NAV1: variants seen among roughly 807,000 people sequenced by gnomAD.
NAV1 encodes the protein pore membrane and/or filament interacting like protein 3.
A neutral mutation model predicts 175.2 loss-of-function variants in NAV1; 18 were observed. The observed-to-expected ratio is 0.10, with a 90% CI of 0.07 to 0.15. The LOEUF (loss-of-function observed/expected upper bound fraction) is 0.15. NAV1 is among the 10% of genes least tolerant of loss of function. The pLI is 1.00. For synonymous variants in NAV1, 897 were observed against 978.7 expected (o/e 0.92, Z 1.56); for missense variants, 1,731 against 2,436.6 (o/e 0.71, Z 6.10).
intron 3 of NAV1, among the ~76,000 whole-genome samples, chr1:201,751,557 A>G (rs971398189): frequency 3.3e-5 from 5 of 152,222 alleles, no homozygotes; most frequent in Admixed American, 3.3e-4. Flanking sequence ...TGGCAATCCA[A>G]TCTCATGGGG....
chr1:201,559,125 A>G (rs1045920963), intron 1 of NAV1, among the ~76,000 whole-genome samples: 3 of 152,126 alleles, frequency 2.0e-5, no homozygotes, highest in Non-Finnish European at 4.4e-5. Context: ...CGCGTATAAC[A>G]CCTTTAGCAT....
Position 201,810,393 on chromosome 1 carries a change from T to C in NAV1, c.4562-130T>C, listed in dbSNP as rs770937700. ...AAAACTAGGGGTTAAGGGACTCTTA[T>C]GGAACCATGGGGCAAGTGGCTCTGA... is the stretch of plus-strand genomic sequence containing the variant. On this transcript the variant is annotated intron_variant, in intron 23 of 29. Transcript: ENST00000367296. The surrounding 1 kb of genome is among the most constrained non-coding windows in gnomAD (Gnocchi z 6.0). The C allele has an allele frequency of 1.4e-5, 13 of 914,148 alleles. No homozygotes were observed. The highest frequency in any genetic ancestry group is 2.0e-5 in the Non-Finnish European group (12 of 608,654). The allele number at this position is 914,148 out of a possible 1,614,324, so 56.6% of individuals were successfully genotyped here. A position where few individuals can be genotyped will look rare whatever the true frequency, so the allele number is the denominator to read the frequency against.
At chr1:201,798,013 G>C (rs897259169) in intron 15 of NAV1, 2 of 152,124 alleles carry the variant, frequency 1.3e-5, no homozygotes, top group South Asian at 4.1e-4. Flanking sequence ...CAAAATTAAA[G>C]TCATCCCCTT....
intron 1 of NAV1, among the ~76,000 whole-genome samples, chr1:201,658,604 A>G (rs1311773025): frequency 6.6e-6 from 1 of 152,178 alleles, no homozygotes; most frequent in African/African-American, 2.4e-5. Flanking sequence ...GGGTGGGATC[A>G]TGGCTGATCC....
Position 201,685,197 on chromosome 1 carries a change from G to A in NAV1, c.758-27620G>A, listed in dbSNP as rs148546643. Among the ~76,000 whole-genome samples the A allele has an allele frequency of 2.1e-3, 311 of 151,338 alleles. 8 individuals carry two copies. The East Asian group carries it at 0.045, about 22-fold the overall frequency. On this transcript the variant is annotated intron_variant, in intron 1 of 29. Coordinates refer to ENST00000367296, the Ensembl canonical transcript of NAV1. ...AGAGGTTTCAGTGAGCGGTGATCAC[G>A]CCACTGCACCTCCAGCCTGGGCAAC...
intron 2 of NAV1, among the ~76,000 whole-genome samples, chr1:201,715,762 T>C (rs1672115695): frequency 6.6e-6 from 1 of 152,206 alleles, no homozygotes; most frequent in East Asian, 1.9e-4. Context: ...ACTCCCAGGA[T>C]AACTGGATTC....
chr1:201,595,630 A>C (rs1200764695), intron 2 of NAV1, among the ~76,000 whole-genome samples: 3 of 152,254 alleles, frequency 2.0e-5, no homozygotes, highest in Non-Finnish European at 4.4e-5. Context: ...AGGCAGGCAC[A>C]GCAGTGTGCA....
At chr1:201,809,835 G>A in intron 22 of NAV1, 111 bp from the exon 27 acceptor site, 1 of 1,073,338 alleles carries the variant, frequency 9.3e-7, no homozygotes, top group Non-Finnish European at 1.3e-6. Flanking sequence ...AAAAGCATAT[G>A]CTCTGCACTT....
intron 2 of NAV1, among the ~76,000 whole-genome samples, chr1:201,631,091 A>G (rs1402942594): frequency 1.3e-5 from 2 of 152,138 alleles, no homozygotes; most frequent in African/African-American, 4.8e-5. Flanking sequence ...GTGCCGGGGA[A>G]CATTTGGAGG....
rs976131186 is a variant in NAV1 at position 201,808,818 on chromosome 1, G to A, written c.4154G>A (p.Arg1385His). Reference sequence around the variant, plus strand: ...TCATCTGCATTATCTTCCCCACGCCGCTCCCTAGGCCTGGCACTCACCCAT... The same window carrying A: ...TCATCTGCATTATCTTCCCCACGCCACTCCCTAGGCCTGGCACTCACCCAT... Residue 1385 changes from arginine (R) to histidine (H), a missense_variant, in exon 20 of 30, where the codon CGC becomes CAC. By Grantham distance (29) the Arg-to-His change is conservative. Around this residue, in one of 13 missense-constraint regions of NAV1, gnomAD observed 122 missense variants for 139.4 expected, o/e 0.88. Coordinates refer to ENST00000367296, the Ensembl canonical transcript of NAV1. This position sits in a 1 kb window ranked among gnomAD's most constrained non-coding sequence, Gnocchi z 5.5. The A allele has an allele frequency of 7.4e-6, 12 of 1,613,814 alleles. No individual in the cohort carries two copies. The highest frequency in any genetic ancestry group is 2.2e-5 in the East Asian group (1 of 44,896).
rs1274825583 is a variant in NAV1, at chr1:201,718,775, G to C, written c.1226+20G>C. The C allele has an allele frequency of 6.3e-7, 1 of 1,579,448 alleles. No individual in the cohort carries two copies. The highest frequency in any genetic ancestry group is 8.6e-7 in the Non-Finnish European group (1 of 1,156,684). On this transcript the variant is annotated intron_variant, in intron 3 of 29. Coordinates refer to ENST00000367296, the Ensembl canonical transcript of NAV1. The surrounding 1 kb of genome is among the most constrained non-coding windows in gnomAD (Gnocchi z 4.8). ...TACCGGGTAAGCGCAGGGGCTTCTT[G>C]GATGGCGGGGGAGGATGGTGGAAAG...
At position 201,708,574 on chromosome 1, in the gene NAV1, T is replaced by G. The variant is rs148390000; in HGVS notation, c.758-4243T>G. 7.2e-4 allele frequency among the ~76,000 whole-genome samples: 110 copies of G among 152,248 alleles called. 1 individual carries two copies. Among genetic ancestry groups the G allele is most frequent in the African/African-American group, 2.6e-3 (106 of 41,548 alleles). On this transcript the variant is annotated intron_variant, in intron 1 of 29. Transcript: ENST00000367296. Reference sequence around the variant, plus strand: ...GAGGGTGGCATCCTGGCTGGTATCATGTGAAGGAGAACGCTGTACTCTACT... The same window carrying G: ...GAGGGTGGCATCCTGGCTGGTATCAGGTGAAGGAGAACGCTGTACTCTACT...
intron 2 of NAV1, among the ~76,000 whole-genome samples, chr1:201,638,796 T>C (rs1379723783): frequency 6.6e-6 from 1 of 152,172 alleles, no homozygotes; most frequent in Non-Finnish European, 1.5e-5. Flanking sequence ...ATGATGAACA[T>C]TACATGTCTA....
chr1:201,655,564 A>T (rs1268806092), intron 1 of NAV1, among the ~76,000 whole-genome samples: 1 of 152,144 alleles, frequency 6.6e-6, no homozygotes, highest in Non-Finnish European at 1.5e-5. Context: ...GCTTCTGGGG[A>T]CTGGGCCTCC....
At chr1:201,621,135 G>A (rs1193057375), upstream of NAV1, among the ~76,000 whole-genome samples, 1 of 151,880 alleles carries the variant, frequency 6.6e-6, no homozygotes, top group Admixed American at 6.6e-5. Context: ...GCCCAGGCTG[G>A]TGTCAAACTC....
At chr1:201,635,919 T>C (rs114744149) in intron 2 of NAV1, among the ~76,000 whole-genome samples, 1,752 of 152,366 alleles carry the variant, frequency 0.011, 31 homozygotes, top group African/African-American at 0.039. Context: ...CAGCTCAGAC[T>C]GCTCCATACA....
At chr1:201,670,237 G>A (rs187402242) in intron 1 of NAV1, among the ~76,000 whole-genome samples, 20 of 151,496 alleles carry the variant, frequency 1.3e-4, no homozygotes, top group Admixed American at 2.6e-4. Flanking sequence ...AAAATTAGCC[G>A]GGCGTGGTGG....
intron 1 of NAV1, among the ~76,000 whole-genome samples, chr1:201,574,926 T>G (rs1016304985): frequency 2.6e-5 from 4 of 152,172 alleles, no homozygotes; most frequent in Non-Finnish European, 5.9e-5. Context: ...TAGGGAGGCA[T>G]GGAAGACAGA....
At position 201,761,085 on chromosome 1, in the gene NAV1, A is replaced by G. The variant is rs145437903; in HGVS notation, c.1227-19336A>G. Among the ~76,000 whole-genome samples the G allele has an allele frequency of 6.5e-3, 997 of 152,322 alleles. 10 individuals are homozygous for G. The highest frequency in any genetic ancestry group is 0.023 in the African/African-American group (959 of 41,564). On this transcript the variant is annotated intron_variant, in intron 3 of 29. Transcript: ENST00000367296. ...TTGCTTTTGCCCTCTATCTTGACTCAGGATTTAAAGATTTTGTTGACTGAA... is the reference window on the plus strand; with the variant it reads ...TTGCTTTTGCCCTCTATCTTGACTCGGGATTTAAAGATTTTGTTGACTGAA...
Sources: allele counts gnomAD v4.1 joint callset (sites outside exome capture counted in the v4.1 genomes callset), GRCh38; gene constraint gnomAD v4.1.1; regional missense constraint gnomAD v4.1.1; non-coding constraint Gnocchi (gnomAD v3.1); transcripts MANE v1.5; gene names NCBI Gene and HGNC (gene_info 2026-07-23, HGNC 2026-07-21).